The following MTX2 variants were observed in gnomAD, a reference collection of about 807,000 sequenced individuals.
The protein encoded by MTX2 is metaxin-2.
A neutral mutation model predicts 42.3 loss-of-function variants in MTX2; 35 were observed. That is an observed-to-expected ratio of 0.83 (90% confidence interval 0.63 to 1.10). MTX2 has a LOEUF of 1.10. Ranked by LOEUF, MTX2 falls within the 50% of genes least tolerant of loss-of-function variation. The probability of loss-of-function intolerance (pLI) is 0.00; values close to 1 mark genes in which losing one functional copy is unlikely to be tolerated. For synonymous variants in MTX2, 119 were observed against 100.9 expected (o/e 1.18, Z -1.08); for missense variants, 307 against 304.1 (o/e 1.01, Z -0.07).
At position 176,329,421 on chromosome 2, in the gene MTX2, G is replaced by T. The variant is rs1264274307; in HGVS notation, c.538G>T (p.Asp180Tyr). The change falls in exon 8 of 10, where the codon GAC becomes TAC. Residue 180 changes from aspartate to tyrosine, a missense_variant. Asp to Tyr is a radical substitution (Grantham distance 160, BLOSUM62 -3). Coordinates refer to ENST00000249442, the MANE Select transcript of MTX2 (RefSeq NM_006554.5). ...KAIGWGKKTLDQVLEDVDQCC... is the reference protein window; with the variant it reads ...KAIGWGKKTLYQVLEDVDQCC... ...TATTGGATGGGGAAAGAAGACTCTG[G>T]ACCAGGTCAGTTCAGGTTGAAGTTG... is the stretch of plus-strand genomic sequence containing the variant. The T allele has an allele frequency of 1.2e-6, 2 of 1,605,410 alleles. No homozygotes were observed. Among genetic ancestry groups the T allele is most frequent in the African/African-American group, 1.3e-5 (1 of 74,382 alleles).
Position 176,337,456 on chromosome 2 carries a change from T to C in MTX2, c.621-37T>C, listed in dbSNP as rs778400822. On this transcript the variant is annotated intron_variant, in intron 9 of 9. Coordinates refer to ENST00000249442, the MANE Select transcript of MTX2 (RefSeq NM_006554.5). ...TGTGTTTTCTATTGTAAAAGTTAAA[T>C]GCTACTTACTCACATTACTCTCATT... 3.3e-6 allele frequency: 5 copies of C among 1,507,498 alleles called. No homozygotes were observed. In the South Asian group the frequency reaches 5.3e-5, roughly 16 times the overall value. 93.4% of individuals were successfully genotyped at this position (1,507,498 alleles called of 1,614,324 possible).
chr2:176,296,961 G>C lies in MTX2; in HGVS notation c.88+54G>C. On this transcript the variant is annotated intron_variant, in intron 2 of 9. Transcript: ENST00000249442. ...TTTGTATCAAACTATATTTATTACG[G>C]AAAAATCCTCAGTAATACAATTTAC... 6 of 1,518,612 alleles carry C rather than the reference G, an allele frequency of 4.0e-6. No homozygotes were observed. In the South Asian group the frequency reaches 6.8e-5, roughly 17 times the overall value. The allele number at this position is 1,518,612 out of a possible 1,614,324, so 94.1% of individuals were successfully genotyped here.
chr2:176,279,505 GTTTC>G (rs1473333066), intron 1 of MTX2, among the ~76,000 whole-genome samples: 91 of 152,010 alleles, frequency 6.0e-4, no homozygotes, highest in Middle Eastern at 3.4e-3. Flanking sequence ...TATAAGTAAT[GTTTC>G]TTTCTTATTT....
intron 1 of MTX2, among the ~76,000 whole-genome samples, chr2:176,281,614 C>G (rs1693078878): frequency 6.6e-6 from 1 of 152,120 alleles, no homozygotes; most frequent in South Asian, 2.1e-4. Flanking sequence ...AGCCCAGATT[C>G]AAGGGAAGGG....
intron 4 of MTX2, among the ~76,000 whole-genome samples, chr2:176,324,209 A>C (rs976717268): frequency 6.6e-6 from 1 of 151,586 alleles, no homozygotes; most frequent in Non-Finnish European, 1.5e-5. Flanking sequence ...GATTGGTATA[A>C]GTGTGTAACA....
At chr2:176,336,880 A>G (rs1299030170) in intron 9 of MTX2, among the ~76,000 whole-genome samples, 1 of 152,146 alleles carries the variant, frequency 6.6e-6, no homozygotes, top group Non-Finnish European at 1.5e-5. Flanking sequence ...TCTTTCAAGT[A>G]TCCACAGGAC....
rs1176176736 is a variant in MTX2, at chr2:176,330,614, G to A, written c.574G>A (p.Ala192Thr). 2.5e-6 allele frequency: 4 copies of A among 1,595,000 alleles called. No individual in the cohort carries two copies. The highest frequency in any genetic ancestry group is 1.1e-5 in the South Asian group (1 of 88,418). The change falls in exon 9 of 10, where the codon GCT becomes ACT. Residue 192 changes from alanine to threonine, a missense_variant. Transcript: ENST00000249442. ...AGAGGATGTAGACCAGTGCTGTCAA[G>A]CTCTCTCTCAAAGACTGGGAACACA... Reference protein sequence around the residue: ...VLEDVDQCCQALSQRLGTQPY... With the variant: ...VLEDVDQCCQTLSQRLGTQPY...
intron 3 of MTX2, among the ~76,000 whole-genome samples, chr2:176,304,526 C>T (rs918198332): frequency 1.3e-5 from 2 of 151,850 alleles, no homozygotes; most frequent in African/African-American, 2.4e-5. Context: ...ACCTTAGATA[C>T]CTTATTTCAA....
intron 1 of MTX2, among the ~76,000 whole-genome samples, chr2:176,291,517 A>G (rs1290426971): frequency 3.9e-5 from 6 of 152,206 alleles, no homozygotes; most frequent in Non-Finnish European, 7.3e-5. Flanking sequence ...ATGTAAAAAT[A>G]CAGACGGGGA....
At chr2:176,336,117 A>G (rs539674354) in intron 9 of MTX2, among the ~76,000 whole-genome samples, 34 of 152,292 alleles carry the variant, frequency 2.2e-4, no homozygotes, top group Non-Finnish European at 4.1e-4. Flanking sequence ...AGGCTAGCAC[A>G]TATTTTCTCA....
chr2:176,306,866 A>T (rs1684161947), intron 3 of MTX2, among the ~76,000 whole-genome samples: 1 of 151,666 alleles, frequency 6.6e-6, no homozygotes, highest in African/African-American at 2.4e-5. Flanking sequence ...TTGCCTGTTC[A>T]CTCTGATGGT....
At chr2:176,310,056 T>C (rs183012792) in intron 3 of MTX2, among the ~76,000 whole-genome samples, 41 of 152,326 alleles carry the variant, frequency 2.7e-4, no homozygotes, top group Middle Eastern at 3.4e-3. Flanking sequence ...TTGTTTTCTT[T>C]CCATGTTTAG....
intron 1 of MTX2, among the ~76,000 whole-genome samples, chr2:176,275,217 A>G (rs1692919132): frequency 6.6e-6 from 1 of 152,000 alleles, no homozygotes; most frequent in Non-Finnish European, 1.5e-5. Context: ...TTGTTTCTCT[A>G]GATGATGATG....
At chr2:176,277,182 C>T (rs905033537) in intron 1 of MTX2, among the ~76,000 whole-genome samples, 1 of 152,182 alleles carries the variant, frequency 6.6e-6, no homozygotes, top group East Asian at 1.9e-4. Flanking sequence ...CATTCCATCC[C>T]TCCTCACATG....
chr2:176,289,116 G>GT (rs57768180), intron 1 of MTX2, among the ~76,000 whole-genome samples: 7 of 151,422 alleles, frequency 4.6e-5, no homozygotes, highest in African/African-American at 1.5e-4. Context: ...TAAGAATATT[G>GT]TTTTTTTTGT....
chr2:176,315,642 C>T (rs1446881442), intron 3 of MTX2, among the ~76,000 whole-genome samples: 2 of 152,184 alleles, frequency 1.3e-5, no homozygotes, highest in African/African-American at 2.4e-5. Flanking sequence ...TCAGTAGAAG[C>T]CAAAGACTTC....
chr2:176,308,444 T>C (rs1376506768), intron 3 of MTX2, among the ~76,000 whole-genome samples: 5 of 152,170 alleles, frequency 3.3e-5, no homozygotes, highest in Admixed American at 3.3e-4. Context: ...ATTCCCTGTT[T>C]GGAATAGTTT....
rs527955159 is a variant in MTX2, at chr2:176,325,952, C to T, written c.209-873C>T. Among the ~76,000 whole-genome samples the T allele has an allele frequency of 1.8e-3, 270 of 150,732 alleles. 1 individual carries two copies. Among genetic ancestry groups the T allele is most frequent in the Middle Eastern group, 3.4e-3 (1 of 294 alleles). On this transcript the variant is annotated intron_variant, in intron 4 of 9. Transcript: ENST00000249442. ...TAGGCCTCTGTACTTCATCCATTAC[C>T]CCCAGGCTGACGGAGCCAGAGAGGA...
In MTX2 at chr2:176,297,876, C is replaced by A; in HGVS notation, c.116C>A (p.Ala39Glu). The change falls in exon 3 of 10, where the codon GCA becomes GAA. Residue 39 changes from alanine to glutamate, a missense_variant. Coordinates refer to ENST00000249442, the MANE Select transcript of MTX2 (RefSeq NM_006554.5). ...GAGCAAATTTTACTTTCTGACAATG[C>A]AGCTTCTCTTGCAGTGCAGGTAAAT... ...KGEQILLSDN[A>E]ASLAVQAFLQ... 6.4e-7 allele frequency: 1 copy of A among 1,558,322 alleles called. No individual in the cohort carries two copies. The highest frequency in any genetic ancestry group is 8.7e-7 in the Non-Finnish European group (1 of 1,148,958).
Sources: gnomAD v4.1 joint callset for allele counts (sites outside exome capture counted in the v4.1 genomes callset) on GRCh38, gnomAD v4.1.1 for gene constraint, MANE v1.5 for transcripts, NCBI Gene and HGNC (gene_info 2026-07-23, HGNC 2026-07-21) for gene names.